The following SLC25A26 variants were observed in gnomAD, a reference collection of about 807,000 sequenced individuals.
SLC25A26 encodes the protein solute carrier family 25 member 26, also known as mitochondrial S-adenosylmethionine carrier protein.
A neutral mutation model predicts 37.8 loss-of-function variants in SLC25A26; 36 were observed. The observed-to-expected ratio is 0.95, with a 90% CI of 0.73 to 1.26. The LOEUF is 1.26. Ranked by LOEUF, SLC25A26 falls within the 50% of genes most tolerant of loss-of-function variation. The probability of loss-of-function intolerance (pLI) is 0.00; values close to 1 mark genes in which losing one functional copy is unlikely to be tolerated. For missense variants in SLC25A26, 390 were observed against 331.1 expected (o/e 1.18, Z -1.38); for synonymous variants, 129 against 122.5 (o/e 1.05, Z -0.35).
chr3:66,336,530 G>A (rs1372003718), intron 5 of SLC25A26, among the ~76,000 whole-genome samples: 1 of 152,148 alleles, frequency 6.6e-6, no homozygotes, highest in Non-Finnish European at 1.5e-5. Flanking sequence ...GACCCTGTGC[G>A]AGTTCTAACG....
At chr3:66,352,792 C>A (rs998927258) in intron 6 of SLC25A26, among the ~76,000 whole-genome samples, 1 of 151,928 alleles carries the variant, frequency 6.6e-6, no homozygotes, top group African/African-American at 2.4e-5. Context: ...TTCCCCATAC[C>A]TCTCTCATGT....
chr3:66,166,932 G>C (rs1471764594), intron 1 of SLC25A26, among the ~76,000 whole-genome samples: 6 of 152,100 alleles, frequency 3.9e-5, no homozygotes, highest in African/African-American at 1.4e-4. Flanking sequence ...TATTTCCTGT[G>C]CTGTTCTCAT....
chr3:66,338,634 A>G (rs372414902), intron 5 of SLC25A26, among the ~76,000 whole-genome samples: 2 of 152,036 alleles, frequency 1.3e-5, no homozygotes, highest in African/African-American at 4.8e-5. Flanking sequence ...AGTCATTACT[A>G]TCTATTCCTA....
At chr3:66,321,252 G>T (rs768252935) in intron 5 of SLC25A26, among the ~76,000 whole-genome samples, 6 of 152,280 alleles carry the variant, frequency 3.9e-5, no homozygotes, top group African/African-American at 1.2e-4. Context: ...TTTAACAAGC[G>T]CTTGAAATGA....
At chr3:66,286,953 G>A (rs185503629) in intron 5 of SLC25A26, among the ~76,000 whole-genome samples, 17 of 152,162 alleles carry the variant, frequency 1.1e-4, no homozygotes, top group African/African-American at 3.9e-4. Flanking sequence ...ATGAGCCACC[G>A]TGCCTGGCCT....
At chr3:66,251,261 TAAG>T (rs1344312580) in intron 3 of SLC25A26, among the ~76,000 whole-genome samples, 2 of 151,972 alleles carry the variant, frequency 1.3e-5, no homozygotes, top group East Asian at 1.9e-4. Flanking sequence ...TGTGTGGAGA[TAAG>T]GAGACTATTA....
At chr3:66,271,390 T>C (rs1396427161) in intron 5 of SLC25A26, among the ~76,000 whole-genome samples, 1 of 152,162 alleles carries the variant, frequency 6.6e-6, no homozygotes, top group African/African-American at 2.4e-5. Flanking sequence ...CTGGCTAACT[T>C]TAATGCTCTG....
rs1700853091 is a variant in SLC25A26 at position 66,378,883 on chromosome 3, T to C, written c.*1076T>C. On this transcript the variant is annotated 3_prime_UTR_variant, in exon 10 of 10. Coordinates refer to ENST00000354883, the MANE Select transcript of SLC25A26 (RefSeq NM_001379210.1). Reference sequence around the variant, plus strand: ...ATTTTACATGGTTTTCAATGTACACTGTACCAAAATTTCTATAAATAAATA... The same window carrying C: ...ATTTTACATGGTTTTCAATGTACACCGTACCAAAATTTCTATAAATAAATA... 6.5e-6 allele frequency: 1 copy of C among 152,680 alleles called. No individual in the cohort carries two copies. The highest frequency in any genetic ancestry group is 6.5e-5 in the Admixed American group (1 of 15,292). The allele number at this position is 152,680 out of a possible 1,614,324, so 9.5% of individuals were successfully genotyped here.
At chr3:66,371,161 TGAG>T in intron 9 of SLC25A26, 1 of 1,438,522 alleles carries the variant, frequency 7.0e-7, no homozygotes, top group Non-Finnish European at 9.2e-7. Flanking sequence ...GCCTGAATGT[TGAG>T]ATCTTACAGG....
At chr3:66,304,882 G>A (rs1576836396) in intron 5 of SLC25A26, among the ~76,000 whole-genome samples, 2 of 152,058 alleles carry the variant, frequency 1.3e-5, no homozygotes, top group African/African-American at 4.8e-5. Flanking sequence ...GATTTATAGG[G>A]CCAAAAAGAC....
At chr3:66,227,334 A>G (rs187240313) in intron 1 of SLC25A26, among the ~76,000 whole-genome samples, 1 of 152,134 alleles carries the variant, frequency 6.6e-6, no homozygotes, top group Non-Finnish European at 1.5e-5. Flanking sequence ...ACTTTGTGTT[A>G]CCACTTTTCA....
intron 5 of SLC25A26, among the ~76,000 whole-genome samples, chr3:66,307,958 T>C (rs2075273692): frequency 6.6e-6 from 1 of 152,182 alleles, no homozygotes; most frequent in Non-Finnish European, 1.5e-5. Context: ...TTGTTCTTTT[T>C]GCTTAGGATT....
rs1337917710 is a variant in SLC25A26, at chr3:66,243,332, T to A, written c.300+20T>A. On this transcript the variant is annotated intron_variant, in intron 3 of 9. Coordinates refer to ENST00000354883, the MANE Select transcript of SLC25A26 (RefSeq NM_001379210.1). ...GAAGTGGTAAGTAACAAGTTTTGTG[T>A]ATAAAATACTTCAGAAATGCACATC... 1.6e-6 allele frequency: 2 copies of A among 1,242,782 alleles called. No homozygotes were observed. Among genetic ancestry groups the A allele is most frequent in the South Asian group, 2.6e-5 (2 of 78,258 alleles). 77.0% of individuals were successfully genotyped at this position (1,242,782 alleles called of 1,614,324 possible).
chr3:66,330,396 C>G (rs76228246), intron 5 of SLC25A26, among the ~76,000 whole-genome samples: 1,798 of 152,174 alleles, frequency 0.012, 39 homozygotes, highest in African/African-American at 0.041. Context: ...GCACAATTAT[C>G]AGGATTATTT....
chr3:66,346,239 CTGTGAATT>C, intron 5 of SLC25A26, 117 bp from the exon 6 acceptor site: 1 of 513,706 alleles, frequency 1.9e-6, no homozygotes, highest in Non-Finnish European at 3.4e-6. Context: ...TCTACTATAA[CTGTGAATT>C]TGTTTGATAT....
At chr3:66,154,488 G>A (rs1001348002) in intron 1 of SLC25A26, among the ~76,000 whole-genome samples, 3 of 151,552 alleles carry the variant, frequency 2.0e-5, no homozygotes, top group African/African-American at 7.3e-5. Context: ...GGAGACAGAA[G>A]ACTGCCTTTC....
intron 5 of SLC25A26, among the ~76,000 whole-genome samples, chr3:66,276,465 AC>A: frequency 6.6e-6 from 1 of 152,116 alleles, no homozygotes; most frequent in Non-Finnish European, 1.5e-5. Context: ...AGAGTGGAGC[AC>A]AATTTCTGAG....
chr3:66,291,020 CCTT>C (rs778860708), intron 5 of SLC25A26, among the ~76,000 whole-genome samples: 72 of 152,130 alleles, frequency 4.7e-4, no homozygotes, highest in Non-Finnish European at 8.2e-4. Context: ...CAGAGATTCA[CCTT>C]CTTCCTGGTT....
At chr3:66,308,739 G>T (rs2075296468) in intron 5 of SLC25A26, among the ~76,000 whole-genome samples, 1 of 151,976 alleles carries the variant, frequency 6.6e-6, no homozygotes, top group Non-Finnish European at 1.5e-5. Flanking sequence ...TGAAGGGGTG[G>T]TTAGCATGAA....
Sources: allele counts gnomAD v4.1 joint callset (sites outside exome capture counted in the v4.1 genomes callset), GRCh38; gene constraint gnomAD v4.1.1; transcripts MANE v1.5; gene names NCBI Gene and HGNC (gene_info 2026-07-23, HGNC 2026-07-21).